Variants in CDH18 observed in about 807,000 individuals in gnomAD.
The protein encoded by CDH18 is cadherin 18, also known as cadherin-18.
A neutral mutation model predicts 67.9 loss-of-function variants in CDH18; 31 were observed. The observed-to-expected ratio is 0.46, with a 90% CI of 0.34 to 0.62. The LOEUF is 0.62. Ranked by LOEUF, CDH18 falls within the 20% of genes least tolerant of loss-of-function variation. The pLI is 0.01. For missense variants in CDH18, 890 were observed against 975.5 expected (o/e 0.91, Z 1.17); for synonymous variants, 362 against 347.2 (o/e 1.04, Z -0.48).
intron 11 of CDH18, among the ~76,000 whole-genome samples, chr5:19,498,487 C>T (rs1561202469): frequency 2.6e-5 from 4 of 152,156 alleles, no homozygotes; most frequent in Admixed American, 6.5e-5. Context: ...ATGATTGATA[C>T]CACTGCACTT....
chr5:20,036,899 G>A (rs374685736), intron 2 of CDH18, among the ~76,000 whole-genome samples: 6 of 151,790 alleles, frequency 4.0e-5, no homozygotes, highest in Non-Finnish European at 7.4e-5. Flanking sequence ...ATCTTTGTGG[G>A]TCTAAAGTCT....
chr5:19,569,799 G>A (rs559891639), intron 8 of CDH18, among the ~76,000 whole-genome samples: 1 of 152,118 alleles, frequency 6.6e-6, no homozygotes. Flanking sequence ...GTAAAGAAAC[G>A]ATACATATTT....
At chr5:19,638,541 A>C (rs1753490887) in intron 5 of CDH18, among the ~76,000 whole-genome samples, 1 of 118,694 alleles carries the variant, frequency 8.4e-6, no homozygotes, top group African/African-American at 2.9e-5. Flanking sequence ...TTAAGTCTTT[A>C]CTAAGTTTTT....
At chr5:19,908,096 A>G (rs1790724899) in intron 2 of CDH18, among the ~76,000 whole-genome samples, 1 of 152,232 alleles carries the variant, frequency 6.6e-6, no homozygotes, top group East Asian at 1.9e-4. Context: ...CTTCTTGCTA[A>G]GGAAGTAAAA....
intron 2 of CDH18, among the ~76,000 whole-genome samples, chr5:19,996,691 TTTC>T (rs938405958): frequency 6.6e-6 from 1 of 152,030 alleles, no homozygotes; most frequent in Admixed American, 6.5e-5. Flanking sequence ...TATTGATCAT[TTTC>T]TTGTCTTCCT....
intron 10 of CDH18, among the ~76,000 whole-genome samples, chr5:19,515,663 G>T (rs1377090433): frequency 3.3e-5 from 5 of 152,122 alleles, no homozygotes; most frequent in African/African-American, 1.2e-4. Context: ...TCTGTTACTG[G>T]TGTATAGGAA....
chr5:20,305,664 T>TG, intron 1 of CDH18: 1 of 404,488 alleles, frequency 2.5e-6, no homozygotes, highest in Non-Finnish European at 4.6e-6. Flanking sequence ...GGAGCGGCGG[T>TG]AGGGGAGATC....
intron 3 of CDH18, among the ~76,000 whole-genome samples, chr5:19,801,595 A>C (rs993816910): frequency 6.6e-6 from 1 of 152,232 alleles, no homozygotes; most frequent in African/African-American, 2.4e-5. Flanking sequence ...CATCCAAACA[A>C]GGTTGAAAAC....
chr5:19,846,595 C>T (rs1253279062), intron 2 of CDH18, among the ~76,000 whole-genome samples: 1 of 152,036 alleles, frequency 6.6e-6, no homozygotes, highest in Non-Finnish European at 1.5e-5. Context: ...GGATGTGAAA[C>T]CCATATATAG....
At chr5:20,158,466 G>T (rs1371089681) in intron 2 of CDH18, among the ~76,000 whole-genome samples, 1 of 151,808 alleles carries the variant, frequency 6.6e-6, no homozygotes, top group Non-Finnish European at 1.5e-5. Context: ...GCCAATTAAG[G>T]CTTTGAATTT....
chr5:20,559,581 C>G (rs1179586479), intron 1 of CDH18, among the ~76,000 whole-genome samples: 1 of 151,930 alleles, frequency 6.6e-6, no homozygotes, highest in East Asian at 1.9e-4. Flanking sequence ...TCAAAAAGAA[C>G]AGCTGTTATG....
intron 2 of CDH18, among the ~76,000 whole-genome samples, chr5:20,131,596 T>C (rs866630402): frequency 2.6e-5 from 4 of 152,142 alleles, no homozygotes; most frequent in African/African-American, 7.2e-5. Flanking sequence ...CATTTGTGTG[T>C]CTGTATGAAT....
chr5:20,152,085 A>G (rs1751157998), intron 2 of CDH18, among the ~76,000 whole-genome samples: 1 of 147,226 alleles, frequency 6.8e-6, no homozygotes, highest in Non-Finnish European at 1.5e-5. Flanking sequence ...TATATATATG[A>G]AATATAAATT....
rs116771550 is a variant in CDH18, at chr5:20,146,413, A to G, written c.-518+109031T>C. On this transcript the variant is annotated intron_variant, in intron 2 of 14. Coordinates refer to the CDH18 transcript ENST00000507958. ...AGAAAGGAACGCTAAGGTCTTAACT[A>G]TCACAACCTGAAATTTACTTGTGTA... 2.5e-3 allele frequency among the ~76,000 whole-genome samples: 388 copies of G among 152,248 alleles called. 2 individuals are homozygous for G. Among genetic ancestry groups the G allele is most frequent in the African/African-American group, 9.1e-3 (377 of 41,558 alleles).
intron 3 of CDH18, among the ~76,000 whole-genome samples, chr5:19,755,445 A>ATATGT (rs1771439282): frequency 8.8e-5 from 1 of 11,404 alleles, no homozygotes. Flanking sequence ...ATATATATAT[A>ATATGT]TATATATATA....
intron 2 of CDH18, among the ~76,000 whole-genome samples, chr5:19,870,141 T>C (rs1786084261): frequency 6.6e-6 from 1 of 152,078 alleles, no homozygotes; most frequent in Non-Finnish European, 1.5e-5. Flanking sequence ...GAGAGATGAG[T>C]TGATTCATAG....
rs571815164 is a variant in CDH18 at position 19,472,022 on chromosome 5, C to A, written c.*1204G>T. On this transcript the variant is annotated 3_prime_UTR_variant, in exon 13 of 13. Coordinates refer to ENST00000382275, the MANE Select transcript of CDH18 (RefSeq NM_004934.5). Reference sequence around the variant, plus strand: ...TTTGGACCCTGAACACAGAGACTTTCGGAAACATATCTGAGGATAATAACT... The same window carrying A: ...TTTGGACCCTGAACACAGAGACTTTAGGAAACATATCTGAGGATAATAACT... Among the ~76,000 whole-genome samples, 24 of 152,210 alleles carry A rather than the reference C, an allele frequency of 1.6e-4. No homozygotes were observed. The highest frequency in any genetic ancestry group is 6.2e-4 in the South Asian group (3 of 4,826).
intron 1 of CDH18, among the ~76,000 whole-genome samples, chr5:20,545,778 T>C (rs62354277): frequency 0.18 from 26,864 of 152,152 alleles, 2,894 homozygotes; most frequent in East Asian, 0.4. Context: ...GTCTTGGCTA[T>C]TAACATTCAG....
chr5:20,086,734 C>T (rs1316933870), intron 2 of CDH18, among the ~76,000 whole-genome samples: 1 of 152,106 alleles, frequency 6.6e-6, no homozygotes, highest in Non-Finnish European at 1.5e-5. Context: ...TAGTTTAAGC[C>T]CACTGTTGAG....
Sources: allele counts gnomAD v4.1 joint callset (sites outside exome capture counted in the v4.1 genomes callset), GRCh38; gene constraint gnomAD v4.1.1; transcripts MANE v1.5; gene names NCBI Gene and HGNC (gene_info 2026-07-23, HGNC 2026-07-21).